BTBD8: variants seen among roughly 807,000 people sequenced by gnomAD.
BTBD8 encodes BTB/POZ domain-containing protein 8.
BTBD8 carries 110 observed loss-of-function variants against 162.9 expected under a neutral mutation model. That is an observed-to-expected ratio of 0.68 (90% CI 0.58 to 0.79). BTBD8 has a LOEUF of 0.79. Among genes scored for constraint, BTBD8 ranks in the 30% least tolerant of loss-of-function variants. The pLI is 0.00. For synonymous variants in BTBD8, 667 were observed against 716.1 expected, an observed-to-expected ratio of 0.93 and a Z score of 1.10; for missense variants, 1,905 against 2,085.4, an observed-to-expected ratio of 0.91 and a Z score of 1.68.
At chr1:92,083,332 CA>C (rs1186390810) in intron 1 of BTBD8, among the ~76,000 whole-genome samples, 1 of 151,968 alleles carries the variant, frequency 6.6e-6, no homozygotes, top group Non-Finnish European at 1.5e-5. Flanking sequence ...CTTTTTCTAC[CA>C]TAGATTTGCT....
chr1:92,108,032 G>T, intron 4 of BTBD8, 31 bp downstream of exon 4: 1 of 1,579,530 alleles, frequency 6.3e-7, no homozygotes, highest in East Asian at 2.2e-5. Flanking sequence ...TGCTGTCTTG[G>T]TTGTGGCTGT....
chr1:92,147,059 A>G, intron 7 of BTBD8, 121 bp from the exon 8 acceptor site: 1 of 572,274 alleles, frequency 1.7e-6, no homozygotes, highest in East Asian at 3.2e-5. Flanking sequence ...GAATTTATCA[A>G]ATTTTGAGTT....
At chr1:92,115,567 G>A (rs764221086) in intron 4 of BTBD8, 6 of 376,286 alleles carry the variant, frequency 1.6e-5, no homozygotes, top group Admixed American at 1.4e-4. Flanking sequence ...GTGGGATCTC[G>A]CTCCTGGAAG....
rs1290733865 is a variant in BTBD8 at position 92,182,439 on chromosome 1, T to A, written c.4756T>A (p.Leu1586Met). Residue 1586 changes from leucine (L) to methionine (M), a missense_variant, in exon 17 of 18, where the codon TTG becomes ATG. By Grantham distance (15) the Leu-to-Met change is conservative. Around this residue, in one of 3 missense-constraint regions of BTBD8, gnomAD observed 517 missense variants for 606.6 expected, o/e 0.85. Coordinates refer to ENST00000636805, the MANE Select transcript of BTBD8 (RefSeq NM_001376131.1). Reference sequence around the variant, plus strand: ...AAAATCTCAAGAAAGACCATGTCACTTGGATCTTCATCAAAGAGAACCCAA... The same window carrying A: ...AAAATCTCAAGAAAGACCATGTCACATGGATCTTCATCAAAGAGAACCCAA... ...DVKSQERPCHLDLHQREPNSD... is the reference protein window; with the variant it reads ...DVKSQERPCHMDLHQREPNSD... 1 of 1,551,564 alleles carries A rather than the reference T, an allele frequency of 6.4e-7. No homozygotes were observed. The highest frequency in any genetic ancestry group is 8.7e-7 in the Non-Finnish European group (1 of 1,146,888).
chr1:92,176,109 A>T (rs1292601783), intron 13 of BTBD8, among the ~76,000 whole-genome samples: 3 of 151,840 alleles, frequency 2.0e-5, no homozygotes, highest in Non-Finnish European at 4.4e-5. Context: ...AGGAGCTTTT[A>T]AAAAAAAATT....
At chr1:92,098,499 T>G (rs1648510314) in intron 2 of BTBD8, among the ~76,000 whole-genome samples, 1 of 152,200 alleles carries the variant, frequency 6.6e-6, no homozygotes, top group Non-Finnish European at 1.5e-5. Context: ...ACAGACTCTT[T>G]TCCAAAATGA....
At chr1:92,113,741 G>A (rs1055338405) in intron 4 of BTBD8, among the ~76,000 whole-genome samples, 4 of 152,046 alleles carry the variant, frequency 2.6e-5, no homozygotes, top group African/African-American at 4.8e-5. Context: ...GGCCCGGTGC[G>A]GTGGCTCACG....
At position 92,090,788 on chromosome 1, in the gene BTBD8, C is replaced by T. The variant is rs193085845; in HGVS notation, c.347+1893C>T. On this transcript the variant is annotated intron_variant, in intron 2 of 17. Transcript: ENST00000636805. ...CCATTAAAAACACGAAAAAATTAGC[C>T]GGGCATGGTGGCGCATGCCTGTAAT... 2.1e-3 allele frequency among the ~76,000 whole-genome samples: 315 copies of T among 152,168 alleles called. 2 individuals are homozygous for T. The highest frequency in any genetic ancestry group is 6.4e-3 in the African/African-American group (267 of 41,510).
intron 4 of BTBD8, among the ~76,000 whole-genome samples, chr1:92,121,617 G>T (rs1456377715): frequency 6.6e-6 from 1 of 152,162 alleles, no homozygotes; most frequent in Non-Finnish European, 1.5e-5. Flanking sequence ...ACAACTTAAA[G>T]TCCAGTTCTA....
chr1:92,096,218 C>T (rs1648447590), intron 2 of BTBD8, among the ~76,000 whole-genome samples: 1 of 152,288 alleles, frequency 6.6e-6, no homozygotes, highest in African/African-American at 2.4e-5. Flanking sequence ...ATCCAGCTGC[C>T]TCAGCTTCCC....
At chr1:92,097,062 A>G (rs1474838003) in intron 2 of BTBD8, among the ~76,000 whole-genome samples, 5 of 152,072 alleles carry the variant, frequency 3.3e-5, no homozygotes, top group Non-Finnish European at 7.4e-5. Context: ...CCTCCCTGTT[A>G]TTACTGATGA....
intron 9 of BTBD8, among the ~76,000 whole-genome samples, chr1:92,164,130 A>G (rs1001930978): frequency 6.6e-6 from 1 of 152,240 alleles, no homozygotes; most frequent in Non-Finnish European, 1.5e-5. Flanking sequence ...AATTAGACGA[A>G]TTATAGCAAA....
intron 4 of BTBD8, chr1:92,114,803 T>A (rs1648990471): frequency 6.9e-6 from 2 of 291,350 alleles, no homozygotes; most frequent in Non-Finnish European, 1.3e-5. Flanking sequence ...CAGGGGATCT[T>A]ACTCTTTGGA....
Position 92,141,177 on chromosome 1 carries a change from T to C in BTBD8, c.896T>C (p.Ile299Thr). The change falls in exon 7 of 18, where the codon ATT becomes ACT. Residue 299 changes from isoleucine to threonine, a missense_variant. Physicochemically the swap from Ile to Thr is moderately conservative, Grantham distance 89. This residue lies in a region of BTBD8 where 1,374 missense variants were observed against 1,442.7 expected (regional missense o/e 0.95). Coordinates refer to ENST00000636805, the MANE Select transcript of BTBD8 (RefSeq NM_001376131.1). ...LEGLKEVAIYILRRDYCNFFQ... is the reference protein window; with the variant it reads ...LEGLKEVAIYTLRRDYCNFFQ... Reference sequence around the variant, plus strand: ...GGATTAAAAGAAGTAGCAATCTATATTTTAAGAAGAGATTACTGTAATTTC... The same window carrying C: ...GGATTAAAAGAAGTAGCAATCTATACTTTAAGAAGAGATTACTGTAATTTC... 1.3e-6 allele frequency: 2 copies of C among 1,585,264 alleles called. No individual in the cohort carries two copies. Among genetic ancestry groups the C allele is most frequent in the South Asian group, 1.1e-5 (1 of 88,632 alleles).
chr1:92,164,684 C>T lies in BTBD8; in HGVS notation c.1123-2274C>T, dbSNP rs372780032. ...CAGAGCAAGACCCTGTTTCACATGG[C>T]GGGGTCTTGCTCTGTCCCCCAGGCT... On this transcript the variant is annotated intron_variant, in intron 9 of 17. Transcript: ENST00000636805. Among the ~76,000 whole-genome samples, 438 of 146,076 alleles carry T rather than the reference C, an allele frequency of 3.0e-3. 1 individual carries two copies. The highest frequency in any genetic ancestry group is 0.01 in the African/African-American group (418 of 40,290).
intron 2 of BTBD8, 103 bp downstream of exon 2, chr1:92,088,998 A>G (rs1336731706): frequency 1.8e-6 from 2 of 1,115,854 alleles, no homozygotes; most frequent in Non-Finnish European, 2.5e-6. Context: ...TAACCTGATA[A>G]GAAAAATCCA....
At position 92,184,316 on chromosome 1, in the gene BTBD8, G is replaced by A. The variant is rs1651021124; in HGVS notation, c.5365G>A (p.Glu1789Lys). The A allele has an allele frequency of 7.1e-6, 11 of 1,548,078 alleles. No individual in the cohort carries two copies. In the South Asian group the frequency reaches 1.2e-4, roughly 17 times the overall value. The change falls in exon 18 of 18, where the codon GAA (glutamate) becomes AAA (lysine). Residue 1789 changes from glutamate (E) to lysine (K), a missense_variant. Glu to Lys is a moderately conservative substitution (Grantham distance 56). Around this residue, in one of 3 missense-constraint regions of BTBD8, gnomAD observed 517 missense variants for 606.6 expected, o/e 0.85. Coordinates refer to ENST00000636805, the MANE Select transcript of BTBD8 (RefSeq NM_001376131.1). Reference sequence around the variant, plus strand: ...AGGCGAGTGGACAATTCTGGAACTGGAAACTCAGCATTAAGTGTTAACATT... The same window carrying A: ...AGGCGAGTGGACAATTCTGGAACTGAAAACTCAGCATTAAGTGTTAACATT... ...PQGEWTILEL[E>K]TQH
chr1:92,164,342 G>A (rs1650335033), intron 9 of BTBD8, among the ~76,000 whole-genome samples: 2 of 151,920 alleles, frequency 1.3e-5, no homozygotes, highest in South Asian at 4.2e-4. Context: ...TTAGAGCTGG[G>A]CGTGGTAGCT....
chr1:92,178,293 T>A lies in BTBD8; in HGVS notation c.2442-19T>A, dbSNP rs1278814133. The A allele has an allele frequency of 6.5e-7, 1 of 1,542,314 alleles. No individual in the cohort carries two copies. Among genetic ancestry groups the A allele is most frequent in the Non-Finnish European group, 8.8e-7 (1 of 1,142,562 alleles). ...TTTGGAATCTAAGTGTAATACTGAA[T>A]GCAAATAATTTTTTTTAGTGTACTA... On this transcript the variant is annotated intron_variant, in intron 15 of 17. Transcript: ENST00000636805.
Sources: gnomAD v4.1 joint callset for allele counts (sites outside exome capture counted in the v4.1 genomes callset) on GRCh38, gnomAD v4.1.1 for gene constraint, gnomAD v4.1.1 regional missense constraint, MANE v1.5 for transcripts, NCBI Gene and HGNC (gene_info 2026-07-23, HGNC 2026-07-21) for gene names.